The following PTPRD variants were observed in gnomAD, a reference collection of about 807,000 sequenced individuals.
PTPRD encodes the protein protein tyrosine phosphatase receptor type D.
In PTPRD, 34 loss-of-function variants were observed where a neutral mutation model predicts 214.5. That is an observed-to-expected ratio of 0.16 (90% CI 0.12 to 0.21). The LOEUF (loss-of-function observed/expected upper bound fraction) is 0.21. Among genes scored for constraint, PTPRD ranks in the 10% least tolerant of loss-of-function variants. The pLI is 1.00. For missense variants in PTPRD, 2,545 were observed against 2,398.7 expected, an observed-to-expected ratio of 1.06 and a Z score of -1.27; for synonymous variants, 1,128 against 845.7, an observed-to-expected ratio of 1.33 and a Z score of -5.79.
chr9:9,460,498 A>T (rs371355015), intron 8 of PTPRD, among the ~76,000 whole-genome samples: 6 of 152,222 alleles, frequency 3.9e-5, no homozygotes, highest in African/African-American at 1.4e-4. Flanking sequence ...GAAAAAAACA[A>T]ATCCATTAAA....
intron 2 of PTPRD, among the ~76,000 whole-genome samples, chr9:10,537,721 T>A (rs563124220): frequency 6.6e-6 from 1 of 152,308 alleles, no homozygotes; most frequent in East Asian, 1.9e-4. Flanking sequence ...CATATTTATA[T>A]TTATCATCAT....
At chr9:9,275,055 G>A (rs528102986) in intron 9 of PTPRD, among the ~76,000 whole-genome samples, 2 of 69,086 alleles carry the variant, frequency 2.9e-5, no homozygotes, top group South Asian at 3.7e-4. Context: ...ATATATATAT[G>A]TATATATATA....
intron 5 of PTPRD, among the ~76,000 whole-genome samples, chr9:9,904,595 A>C (rs10978075): frequency 0.083 from 12,629 of 152,040 alleles, 831 homozygotes; most frequent in East Asian, 0.34. Context: ...CACACCTACA[A>C]AATAAGCAGA....
chr9:10,588,997 C>T lies in PTPRD; in HGVS notation c.-600+23401G>A, dbSNP rs188192679. On this transcript the variant is annotated intron_variant, in intron 2 of 45. Coordinates refer to ENST00000381196, the MANE Select transcript of PTPRD (RefSeq NM_002839.4). ...AATGAGTAATATTGTAGAACCTTTT[C>T]GTCTCACAAAAGAAGAAAATGAATA... 1.5e-3 allele frequency among the ~76,000 whole-genome samples: 234 copies of T among 152,026 alleles called. 1 individual carries two copies. Among genetic ancestry groups the T allele is most frequent in the African/African-American group, 5.3e-3 (219 of 41,524 alleles).
At chr9:9,113,849 C>G (rs1405149988) in intron 10 of PTPRD, among the ~76,000 whole-genome samples, 1 of 152,136 alleles carries the variant, frequency 6.6e-6, no homozygotes, top group African/African-American at 2.4e-5. Context: ...AAAATAAAAA[C>G]TCAGTTCTCT....
intron 9 of PTPRD, among the ~76,000 whole-genome samples, chr9:9,319,914 T>C (rs1228693050): frequency 6.6e-6 from 1 of 152,174 alleles, no homozygotes; most frequent in Non-Finnish European, 1.5e-5. Flanking sequence ...CATGGTTACA[T>C]AAAGTCCTTT....
chr9:10,604,223 G>T (rs374797472), intron 2 of PTPRD, among the ~76,000 whole-genome samples: 2 of 151,682 alleles, frequency 1.3e-5, no homozygotes, highest in East Asian at 1.9e-4. Context: ...GTATTCAGCA[G>T]CATTTGATTC....
intron 3 of PTPRD, among the ~76,000 whole-genome samples, chr9:10,099,465 T>C (rs561663079): frequency 2.0e-5 from 3 of 151,958 alleles, no homozygotes; most frequent in South Asian, 2.1e-4. Context: ...TTAATATATG[T>C]AAATTCCCAG....
chr9:9,243,013 G>A (rs1472382232), intron 9 of PTPRD, among the ~76,000 whole-genome samples: 3 of 152,072 alleles, frequency 2.0e-5, no homozygotes, highest in Admixed American at 6.6e-5. Flanking sequence ...GTACAGATGG[G>A]GTTTTGGTGT....
At chr9:8,662,267 T>C (rs76278391) in intron 12 of PTPRD, among the ~76,000 whole-genome samples, 4,699 of 152,198 alleles carry the variant, frequency 0.031, 264 homozygotes, top group African/African-American at 0.11. Flanking sequence ...GGTCCCTACA[T>C]TTGTTACTGG....
intron 11 of PTPRD, among the ~76,000 whole-genome samples, chr9:8,783,706 G>A (rs1413150146): frequency 1.3e-5 from 2 of 152,150 alleles, no homozygotes; most frequent in Non-Finnish European, 2.9e-5. Flanking sequence ...ATGACAAACG[G>A]CTCAGTTCCG....
intron 2 of PTPRD, among the ~76,000 whole-genome samples, chr9:10,414,691 A>G (rs181414511): frequency 1.3e-5 from 2 of 152,064 alleles, no homozygotes; most frequent in Admixed American, 6.6e-5. Context: ...ATTAACCTAA[A>G]CACCCATCAA....
intron 9 of PTPRD, among the ~76,000 whole-genome samples, chr9:9,240,636 T>C (rs1259060266): frequency 6.6e-6 from 1 of 152,152 alleles, no homozygotes; most frequent in Non-Finnish European, 1.5e-5. Flanking sequence ...GCTTATTTGA[T>C]ATATTAAAAT....
intron 9 of PTPRD, among the ~76,000 whole-genome samples, chr9:9,282,024 T>A (rs1449546846): frequency 6.6e-6 from 1 of 151,346 alleles, no homozygotes; most frequent in African/African-American, 2.4e-5. Flanking sequence ...ACATCCTGAA[T>A]TATTCCACCT....
intron 3 of PTPRD, among the ~76,000 whole-genome samples, chr9:10,288,568 G>T (rs563670341): frequency 6.6e-6 from 1 of 152,224 alleles, no homozygotes; most frequent in African/African-American, 2.4e-5. Context: ...AAAATATGAT[G>T]CACGCAAATG....
At chr9:10,378,300 C>T (rs184488532) in intron 2 of PTPRD, among the ~76,000 whole-genome samples, 23 of 152,116 alleles carry the variant, frequency 1.5e-4, no homozygotes, top group African/African-American at 5.3e-4. Flanking sequence ...CTCGGCTGCA[C>T]AGAAGCTTTT....
intron 5 of PTPRD, among the ~76,000 whole-genome samples, chr9:9,855,981 T>C (rs1416253064): frequency 1.3e-5 from 2 of 152,192 alleles, no homozygotes; most frequent in Non-Finnish European, 2.9e-5. Context: ...CCAGAACTCT[T>C]GTCCAGCATC....
chr9:8,657,822 T>G (rs959684301), intron 12 of PTPRD, among the ~76,000 whole-genome samples: 5 of 152,210 alleles, frequency 3.3e-5, no homozygotes, highest in African/African-American at 1.2e-4. Flanking sequence ...CAGTAGTCTC[T>G]CACTAAAAGT....
intron 2 of PTPRD, among the ~76,000 whole-genome samples, chr9:10,497,230 C>G (rs947724103): frequency 6.6e-6 from 1 of 151,866 alleles, no homozygotes; most frequent in African/African-American, 2.4e-5. Flanking sequence ...AGATCCATAC[C>G]CCTAACTTCA....
Sources: allele counts gnomAD v4.1 joint callset (sites outside exome capture counted in the v4.1 genomes callset), GRCh38; gene constraint gnomAD v4.1.1; transcripts MANE v1.5; gene names NCBI Gene and HGNC (gene_info 2026-07-23, HGNC 2026-07-21).